Variants in MBD5 observed in about 807,000 individuals in gnomAD.
The protein encoded by MBD5 is methyl-CpG binding domain protein 5, also known as methyl-CpG-binding domain protein 5.
A neutral mutation model predicts 117.3 loss-of-function variants in MBD5; 13 were observed. The observed-to-expected ratio is 0.11, with a 90% confidence interval of 0.07 to 0.18. MBD5 has a LOEUF of 0.18. Among genes scored for constraint, MBD5 ranks in the 10% least tolerant of loss-of-function variants. The pLI, the probability that MBD5 is intolerant of heterozygous loss-of-function variation, is 1.00. For missense variants in MBD5, 1,879 were observed against 2,093.8 expected (o/e 0.90, Z 2.00); for synonymous variants, 727 against 766.4 (o/e 0.95, Z 0.85).
intron 4 of MBD5, among the ~76,000 whole-genome samples, chr2:148,353,851 G>A (rs972165938): frequency 6.6e-5 from 10 of 152,102 alleles, no homozygotes; most frequent in Non-Finnish European, 1.3e-4. Context: ...AGAATTCTGG[G>A]ATTACAGCTG....
chr2:148,510,051 T>G lies in MBD5; in HGVS notation c.5037-9T>G. ...TTTTAATCTGGTGTGTTGTTTTCAT[T>G]AATTCCAGAAGTGGAAAGCTAAATA... On this transcript the variant is annotated splice_polypyrimidine_tract_variant and intron_variant, in intron 12 of 13. Transcript: ENST00000642680. The G allele has an allele frequency of 1.3e-6, 2 of 1,598,228 alleles. No individual in the cohort carries two copies. Among genetic ancestry groups the G allele is most frequent in the Non-Finnish European group, 1.7e-6 (2 of 1,165,964 alleles).
intron 1 of MBD5, among the ~76,000 whole-genome samples, chr2:148,129,739 T>C (rs544771321): frequency 6.6e-6 from 1 of 152,360 alleles, no homozygotes; most frequent in African/African-American, 2.4e-5. Flanking sequence ...TGTGGCTTTA[T>C]AGTATATTAA....
chr2:148,074,512 T>G (rs1695450314), intron 1 of MBD5, among the ~76,000 whole-genome samples: 1 of 147,778 alleles, frequency 6.8e-6, no homozygotes. Flanking sequence ...TTTTTGTTTT[T>G]TTTTTTGAGA....
At chr2:148,121,715 G>C (rs981959476) in intron 1 of MBD5, among the ~76,000 whole-genome samples, 1 of 152,028 alleles carries the variant, frequency 6.6e-6, no homozygotes, top group Non-Finnish European at 1.5e-5. Flanking sequence ...TTGAGAACCT[G>C]AATGAATGGA....
chr2:148,275,389 G>A (rs1382188221), intron 3 of MBD5, among the ~76,000 whole-genome samples: 1 of 152,078 alleles, frequency 6.6e-6, no homozygotes, highest in African/African-American at 2.4e-5. Context: ...AAAATTAGTG[G>A]GATGTATGTA....
intron 3 of MBD5, among the ~76,000 whole-genome samples, chr2:148,240,689 A>G (rs1047967941): frequency 6.6e-6 from 1 of 152,158 alleles, no homozygotes; most frequent in Non-Finnish European, 1.5e-5. Flanking sequence ...GGCAATTGTC[A>G]CAGATATTTC....
At chr2:148,417,252 A>G (rs1000268742) in intron 4 of MBD5, among the ~76,000 whole-genome samples, 2 of 145,664 alleles carry the variant, frequency 1.4e-5, no homozygotes, top group South Asian at 4.4e-4. Context: ...CTTCCTGAGT[A>G]TCTGGGTCTA....
chr2:148,364,057 G>A (rs1274939715), intron 4 of MBD5, among the ~76,000 whole-genome samples: 1 of 152,092 alleles, frequency 6.6e-6, no homozygotes, highest in Non-Finnish European at 1.5e-5. Flanking sequence ...ATTCGCCAAG[G>A]TTGAAATGAA....
chr2:148,136,080 G>T (rs149962218), intron 1 of MBD5, among the ~76,000 whole-genome samples: 2 of 152,266 alleles, frequency 1.3e-5, no homozygotes, highest in Non-Finnish European at 2.9e-5. Flanking sequence ...TATTCATAGT[G>T]GGGGGTGGTG....
chr2:148,200,835 A>T (rs1699120760), intron 2 of MBD5, among the ~76,000 whole-genome samples: 1 of 152,160 alleles, frequency 6.6e-6, no homozygotes, highest in South Asian at 2.1e-4. Context: ...AGTTCTTCTG[A>T]TCTAAATAGT....
In MBD5 at chr2:148,469,507, C is replaced by T. The variant is rs1161083244; in HGVS notation, c.1564C>T (p.Pro522Ser). 1.3e-5 allele frequency: 21 copies of T among 1,613,684 alleles called. No homozygotes were observed. The Admixed American group carries it at 3.2e-4, about 24-fold the overall frequency. The stretch of plus-strand genomic sequence containing the variant: ...TGGACATCATCAGTACAAGGATATC[C>T]CTAACCCATTAATTGCTGGAATAAG... ...SDGHHQYKDI[P>S]NPLIAGISNV... Residue 522 changes from proline to serine, a missense_variant, in exon 8 of 14, where the codon CCT becomes TCT. Coordinates refer to ENST00000642680, the MANE Select transcript of MBD5 (RefSeq NM_001378120.1).
intron 1 of MBD5, among the ~76,000 whole-genome samples, chr2:148,100,819 T>C (rs934411333): frequency 6.6e-6 from 1 of 152,172 alleles, no homozygotes; most frequent in African/African-American, 2.4e-5. Context: ...GTCTTAAGCC[T>C]TTGCCCACAT....
At chr2:148,364,709 A>G (rs184546826) in intron 4 of MBD5, among the ~76,000 whole-genome samples, 176 of 152,296 alleles carry the variant, frequency 1.2e-3, no homozygotes, top group African/African-American at 3.7e-3. Flanking sequence ...CTGGTAAAAG[A>G]GGGTTTAAAC....
chr2:148,368,078 A>G (rs557597871), intron 4 of MBD5, among the ~76,000 whole-genome samples: 29 of 152,272 alleles, frequency 1.9e-4, no homozygotes, highest in African/African-American at 4.6e-4. Context: ...AACCACTCCA[A>G]ATGCTCGTCA....
intron 1 of MBD5, among the ~76,000 whole-genome samples, chr2:148,120,787 A>G (rs919459181): frequency 3.3e-5 from 5 of 152,018 alleles, no homozygotes; most frequent in Admixed American, 1.3e-4. Context: ...TTCTTGCCTA[A>G]TTTTCTTGTC....
chr2:148,279,849 C>T (rs1413977108), intron 3 of MBD5, among the ~76,000 whole-genome samples: 2 of 152,012 alleles, frequency 1.3e-5, no homozygotes, highest in Non-Finnish European at 2.9e-5. Flanking sequence ...CAGGTGCAGT[C>T]ATAGTACACT....
chr2:148,029,170 C>A (rs1693974783), intron 1 of MBD5, among the ~76,000 whole-genome samples: 1 of 151,896 alleles, frequency 6.6e-6, no homozygotes, highest in Non-Finnish European at 1.5e-5. Flanking sequence ...ATTAAGAATA[C>A]TTTTTTTAAA....
intron 3 of MBD5, among the ~76,000 whole-genome samples, chr2:148,326,484 G>A (rs1381954943): frequency 1.1e-4 from 16 of 152,068 alleles, no homozygotes; most frequent in Admixed American, 1.0e-3. Flanking sequence ...TCTCTTTGTA[G>A]GTCACTCAGG....
At chr2:148,166,968 T>C (rs1698139590) in intron 1 of MBD5, among the ~76,000 whole-genome samples, 1 of 152,168 alleles carries the variant, frequency 6.6e-6, no homozygotes, top group Non-Finnish European at 1.5e-5. Flanking sequence ...GTTTCTGTTT[T>C]TTTGATAATT....
Sources: gnomAD v4.1 joint callset for allele counts (sites outside exome capture counted in the v4.1 genomes callset) on GRCh38, gnomAD v4.1.1 for gene constraint, MANE v1.5 for transcripts, NCBI Gene and HGNC (gene_info 2026-07-23, HGNC 2026-07-21) for gene names.